Variants in CADPS2 observed in about 807,000 individuals in gnomAD.
The protein encoded by CADPS2 is calcium dependent secretion activator 2.
Under a neutral mutation model 172.5 loss-of-function variants are expected in CADPS2, and 93 were observed. That is an observed-to-expected ratio of 0.54 (90% CI 0.46 to 0.64). The LOEUF (loss-of-function observed/expected upper bound fraction) is 0.64. Ranked by LOEUF, CADPS2 falls within the 30% of genes least tolerant of loss-of-function variation. The pLI is 0.00. For synonymous variants in CADPS2, 546 were observed against 555.2 expected (o/e 0.98, Z 0.23); for missense variants, 1,420 against 1,565.9 (o/e 0.91, Z 1.57).
chr7:122,633,061 G>T (rs550539155), intron 3 of CADPS2, among the ~76,000 whole-genome samples: 1 of 152,196 alleles, frequency 6.6e-6, no homozygotes, highest in African/African-American at 2.4e-5. Flanking sequence ...CTATGTGTCT[G>T]TGTTTGTACT....
chr7:122,633,304 A>T (rs1421240253), intron 3 of CADPS2, among the ~76,000 whole-genome samples: 1 of 152,134 alleles, frequency 6.6e-6, no homozygotes, highest in Non-Finnish European at 1.5e-5. Context: ...GTTTAATGAT[A>T]CTGATTTTTC....
chr7:122,621,370 C>A, intron 5 of CADPS2, 111 bp downstream of exon 5: 1 of 722,034 alleles, frequency 1.4e-6, no homozygotes, highest in South Asian at 2.0e-5. Flanking sequence ...TTAACATCTC[C>A]AACATATATT....
At chr7:122,448,995 G>T (rs558467332) in intron 15 of CADPS2, among the ~76,000 whole-genome samples, 4 of 152,264 alleles carry the variant, frequency 2.6e-5, no homozygotes, top group African/African-American at 9.6e-5. Flanking sequence ...CCATGAAAGA[G>T]AATAGCAATG....
At chr7:122,575,955 C>T (rs552304720) in intron 7 of CADPS2, among the ~76,000 whole-genome samples, 4 of 152,232 alleles carry the variant, frequency 2.6e-5, no homozygotes, top group Non-Finnish European at 5.9e-5. Context: ...TTTGTTATAA[C>T]CAAGAAACTT....
chr7:122,397,300 CAA>C (rs895662983), intron 20 of CADPS2, among the ~76,000 whole-genome samples: 6 of 150,988 alleles, frequency 4.0e-5, no homozygotes, highest in East Asian at 2.0e-4. Flanking sequence ...CAGAATTCAG[CAA>C]AGAGTTATTT....
At chr7:122,803,258 T>C (rs1474165163) in intron 1 of CADPS2, among the ~76,000 whole-genome samples, 1 of 152,148 alleles carries the variant, frequency 6.6e-6, no homozygotes, top group Non-Finnish European at 1.5e-5. Context: ...CTTTAAAAAA[T>C]GCAAAATCTT....
chr7:122,602,694 T>C (rs532260655), intron 6 of CADPS2, among the ~76,000 whole-genome samples: 43 of 152,066 alleles, frequency 2.8e-4, no homozygotes, highest in African/African-American at 9.7e-4. Context: ...TATGAATACT[T>C]TGATTCACAG....
At chr7:122,718,012 T>C (rs1437435224) in intron 2 of CADPS2, among the ~76,000 whole-genome samples, 1 of 70,670 alleles carries the variant, frequency 1.4e-5, no homozygotes, top group Non-Finnish European at 2.7e-5. Context: ...TTTTTTTTTG[T>C]AGAGACAAAG....
chr7:122,735,358 T>A (rs145899620), intron 2 of CADPS2, among the ~76,000 whole-genome samples: 19 of 152,272 alleles, frequency 1.2e-4, no homozygotes, highest in African/African-American at 4.3e-4. Flanking sequence ...ATGGCATGTT[T>A]CAAACCTGAT....
At chr7:122,738,128 T>C (rs1186469223) in intron 1 of CADPS2, among the ~76,000 whole-genome samples, 1 of 152,118 alleles carries the variant, frequency 6.6e-6, no homozygotes, top group Admixed American at 6.6e-5. Context: ...CCATAATTAA[T>C]ACAGAGGGTG....
At position 122,393,291 on chromosome 7, in the gene CADPS2, A is replaced by G. The variant is rs1373164903; in HGVS notation, c.2913T>C (p.Asn971=). The G allele has an allele frequency of 1.2e-6, 2 of 1,613,902 alleles. No individual in the cohort carries two copies. The highest frequency in any genetic ancestry group is 1.7e-6 in the Non-Finnish European group (2 of 1,179,806). The part of the protein sequence containing the change: ...PVKNIANSLP[N]VALPKVPSLP... ...GACTTGGAACTTTTGGAAGAGCTAC[A>G]TTGGGAAGACTGTTGGCGATATTCC... The change falls in exon 22 of 30, where the codon AAT becomes AAC. Residue 971 remains asparagine (N), a synonymous_variant. Coordinates refer to ENST00000449022, the MANE Select transcript of CADPS2 (RefSeq NM_017954.11).
intron 28 of CADPS2, among the ~76,000 whole-genome samples, 179 bp downstream of exon 28, chr7:122,345,395 C>T (rs1001028983): frequency 5.3e-5 from 8 of 152,312 alleles, no homozygotes; most frequent in East Asian, 1.9e-4. Flanking sequence ...GTCTCAGCCT[C>T]CCAAAGTTCT....
intron 4 of CADPS2, among the ~76,000 whole-genome samples, chr7:122,625,234 G>C (rs1156536381): frequency 3.3e-5 from 5 of 151,922 alleles, no homozygotes; most frequent in East Asian, 3.9e-4. Flanking sequence ...ATTTTTAGTA[G>C]AGACGGGGTT....
intron 19 of CADPS2, chr7:122,409,683 G>A (rs1468404554): frequency 2.1e-6 from 1 of 469,034 alleles, no homozygotes; most frequent in Non-Finnish European, 4.4e-6. Flanking sequence ...GAAAGCAACA[G>A]TTGCAGTTAT....
At chr7:122,601,961 A>T (rs1382192465) in intron 6 of CADPS2, among the ~76,000 whole-genome samples, 1 of 152,086 alleles carries the variant, frequency 6.6e-6, no homozygotes, top group Non-Finnish European at 1.5e-5. Context: ...TATTAATTTA[A>T]AAACATTCAG....
chr7:122,649,322 T>C (rs1350922015), intron 3 of CADPS2, among the ~76,000 whole-genome samples: 1 of 152,032 alleles, frequency 6.6e-6, no homozygotes, highest in East Asian at 1.9e-4. Context: ...AAACTTCAAT[T>C]AAATGTCCAA....
chr7:122,660,527 T>G (rs574088248), intron 3 of CADPS2, among the ~76,000 whole-genome samples: 1 of 151,618 alleles, frequency 6.6e-6, no homozygotes, highest in South Asian at 2.1e-4. Context: ...TAAAATTTAA[T>G]CCAACTACAT....
chr7:122,481,104 T>C (rs966343501), intron 11 of CADPS2, among the ~76,000 whole-genome samples: 3 of 151,822 alleles, frequency 2.0e-5, no homozygotes, highest in Non-Finnish European at 4.4e-5. Context: ...GGCATTTCTC[T>C]GATAGTTCAG....
chr7:122,445,480 T>C (rs1190502507), intron 15 of CADPS2, among the ~76,000 whole-genome samples: 2 of 152,076 alleles, frequency 1.3e-5, no homozygotes, highest in Non-Finnish European at 2.9e-5. Context: ...ATTATTTAAT[T>C]TCAATTTCTG....
Sources: gnomAD v4.1 joint callset for allele counts (sites outside exome capture counted in the v4.1 genomes callset) on GRCh38, gnomAD v4.1.1 for gene constraint, MANE v1.5 for transcripts, NCBI Gene and HGNC (gene_info 2026-07-23, HGNC 2026-07-21) for gene names.